Variants in TGFB2 observed in about 807,000 individuals in gnomAD.
TGFB2 encodes the protein transforming growth factor beta-2 proprotein.
A neutral mutation model predicts 42.7 loss-of-function variants in TGFB2; 13 were observed. The observed-to-expected ratio is 0.30, with a 90% CI of 0.20 to 0.48. The LOEUF (loss-of-function observed/expected upper bound fraction) is 0.48. Among genes scored for constraint, TGFB2 ranks in the 20% least tolerant of loss-of-function variants. TGFB2 has a pLI of 0.99. For missense variants in TGFB2, 390 were observed against 517.5 expected (o/e 0.75, Z 2.39); for synonymous variants, 193 against 193.6 (o/e 1.00, Z 0.03).
chr1:218,407,185 C>T (rs1658942102), intron 2 of TGFB2, among the ~76,000 whole-genome samples: 1 of 152,188 alleles, frequency 6.6e-6, no homozygotes, highest in Admixed American at 6.5e-5. Context: ...GCACCCTCAA[C>T]TTCCAGGGCT....
intron 1 of TGFB2, among the ~76,000 whole-genome samples, chr1:218,354,211 A>G (rs1490901889): frequency 3.3e-5 from 5 of 152,206 alleles, no homozygotes; most frequent in African/African-American, 7.2e-5. Flanking sequence ...TTACAGAATG[A>G]GATTGAACTA....
At chr1:218,420,746 T>C (rs1020099507) in intron 2 of TGFB2, among the ~76,000 whole-genome samples, 4 of 152,198 alleles carry the variant, frequency 2.6e-5, no homozygotes, top group East Asian at 1.9e-4. Flanking sequence ...CATGGGTATG[T>C]ATAATACAGG....
intron 2 of TGFB2, among the ~76,000 whole-genome samples, chr1:218,430,554 A>G (rs1659774718): frequency 6.6e-6 from 1 of 152,188 alleles, no homozygotes; most frequent in African/African-American, 2.4e-5. Flanking sequence ...TGGGAAGTTG[A>G]CTGATCTGGT....
chr1:218,361,393 G>A (rs1243929554), intron 1 of TGFB2, among the ~76,000 whole-genome samples: 1 of 152,158 alleles, frequency 6.6e-6, no homozygotes, highest in Non-Finnish European at 1.5e-5. Context: ...AGAACTGCAG[G>A]CTGGAAATTG....
chr1:218,368,914 A>G (rs1293048246), intron 1 of TGFB2, among the ~76,000 whole-genome samples: 2 of 152,128 alleles, frequency 1.3e-5, no homozygotes, highest in Admixed American at 6.6e-5. Flanking sequence ...TCCTCTGACT[A>G]AAACGGAGAG....
At chr1:218,439,175 C>T (rs1331281974) in intron 6 of TGFB2, among the ~76,000 whole-genome samples, 1 of 149,346 alleles carries the variant, frequency 6.7e-6, no homozygotes, top group Non-Finnish European at 1.5e-5. Context: ...CAAAACCAAA[C>T]AGAAAATTAG....
chr1:218,388,362 G>A (rs781373511), intron 1 of TGFB2, among the ~76,000 whole-genome samples: 2 of 152,218 alleles, frequency 1.3e-5, no homozygotes, highest in Non-Finnish European at 2.9e-5. Flanking sequence ...TTAAAGTTCA[G>A]TAAACTACTG....
chr1:218,411,810 A>AG (rs1659106552), intron 2 of TGFB2, among the ~76,000 whole-genome samples: 1 of 148,088 alleles, frequency 6.8e-6, no homozygotes, highest in African/African-American at 2.5e-5. Flanking sequence ...GGTTGCAGTG[A>AG]GCAGAGATTG....
intron 1 of TGFB2, among the ~76,000 whole-genome samples, chr1:218,373,411 T>C (rs1403243339): frequency 1.3e-5 from 2 of 151,806 alleles, no homozygotes; most frequent in African/African-American, 4.8e-5. Context: ...ATGACTAATA[T>C]GATTAGTAAT....
rs10482820 is a variant in TGFB2, at chr1:218,436,730, A to G, written c.932+583A>G. Among the ~76,000 whole-genome samples the G allele has an allele frequency of 8.9e-4, 135 of 152,350 alleles. 1 individual carries two copies. The East Asian group carries it at 0.01, about 11-fold the overall frequency. On this transcript the variant is annotated intron_variant, in intron 5 of 6. Coordinates refer to ENST00000366930, the MANE Select transcript of TGFB2 (RefSeq NM_003238.6). The stretch of plus-strand genomic sequence containing the variant: ...GCTCTTTCCTTATTTTGAGAGGTAC[A>G]GGACAGGGAAGGGTCCTCACTGATG...
chr1:218,356,726 A>T (rs987272197), intron 1 of TGFB2, among the ~76,000 whole-genome samples: 1 of 152,126 alleles, frequency 6.6e-6, no homozygotes, highest in African/African-American at 2.4e-5. Flanking sequence ...CCTGTCTCTC[A>T]TCACTTCCAC....
At chr1:218,376,413 A>C (rs1657743526) in intron 1 of TGFB2, among the ~76,000 whole-genome samples, 2 of 152,212 alleles carry the variant, frequency 1.3e-5, no homozygotes, top group South Asian at 4.1e-4. Context: ...TATTTAATTC[A>C]GTTATAATTC....
Position 218,441,404 on chromosome 1 carries a change from GATA to G in TGFB2, c.*45_*47del, listed in dbSNP as rs755922331. ...GCAAGACCAAAATGACAATGATGAT[GATA>G]ATGATGATGACGACGACAACGATGA... On this transcript the variant is annotated 3_prime_UTR_variant, in exon 7 of 7. Coordinates refer to ENST00000366930, the MANE Select transcript of TGFB2 (RefSeq NM_003238.6). 2.6e-6 allele frequency: 4 copies of G among 1,564,686 alleles called. No homozygotes were observed. The highest frequency in any genetic ancestry group is 1.2e-5 in the South Asian group (1 of 83,506).
rs1571901210 is a variant in TGFB2 at position 218,434,206 on chromosome 1, A to C, written c.635A>C (p.His212Pro). Reference sequence around the variant, plus strand: ...ACTGATGCTGTTCATGAATGGCTTCACCATAAAGGTTACAAGCCACTCTCT... The same window carrying C: ...ACTGATGCTGTTCATGAATGGCTTCCCCATAAAGGTTACAAGCCACTCTCT... ...DVTDAVHEWLHHKDRNLGFKI... is the reference protein window; with the variant it reads ...DVTDAVHEWLPHKDRNLGFKI... The change falls in exon 3 of 7, where the codon CAC becomes CCC. Residue 212 changes from histidine (H) to proline (P), a missense_variant. Physicochemically the swap from His to Pro is moderately conservative, Grantham distance 77 (BLOSUM62 -2). Coordinates refer to ENST00000366930, the MANE Select transcript of TGFB2 (RefSeq NM_003238.6). The C allele has an allele frequency of 6.2e-7, 1 of 1,613,860 alleles. No homozygotes were observed. Among genetic ancestry groups the C allele is most frequent in the African/African-American group, 1.3e-5 (1 of 74,932 alleles).
intron 4 of TGFB2, among the ~76,000 whole-genome samples, chr1:218,435,247 G>C (rs1659934128): frequency 6.6e-6 from 1 of 152,090 alleles, no homozygotes; most frequent in South Asian, 2.1e-4. Context: ...CCTTGCTCAT[G>C]GAAAAATACT....
intron 1 of TGFB2, among the ~76,000 whole-genome samples, chr1:218,365,592 G>A (rs72738815): frequency 4.3e-4 from 66 of 152,146 alleles, no homozygotes; most frequent in Non-Finnish European, 6.3e-4. Context: ...TGCCTAGCTC[G>A]CAGGCTCTGG....
At chr1:218,371,123 A>C (rs2102554291) in intron 1 of TGFB2, among the ~76,000 whole-genome samples, 1 of 152,224 alleles carries the variant, frequency 6.6e-6, no homozygotes, top group South Asian at 2.1e-4. Flanking sequence ...ACATGGTGAA[A>C]CCCCATCTTT....
chr1:218,350,136 CA>C (rs1198037780), intron 1 of TGFB2, among the ~76,000 whole-genome samples: 12 of 152,224 alleles, frequency 7.9e-5, no homozygotes, highest in Non-Finnish European at 1.6e-4. Flanking sequence ...TTCAGTTATA[CA>C]CAGGAAGAAT....
intron 1 of TGFB2, among the ~76,000 whole-genome samples, chr1:218,401,029 T>C (rs1658698742): frequency 6.6e-6 from 1 of 152,028 alleles, no homozygotes; most frequent in Admixed American, 6.5e-5. Flanking sequence ...AAAAATAAAA[T>C]GATTGAGAAT....
Sources: gnomAD v4.1 joint callset for allele counts (sites outside exome capture counted in the v4.1 genomes callset) on GRCh38, gnomAD v4.1.1 for gene constraint, MANE v1.5 for transcripts, NCBI Gene and HGNC (gene_info 2026-07-23, HGNC 2026-07-21) for gene names.